Variants in LIMK2 observed in about 807,000 individuals in gnomAD.
LIMK2 encodes LIM domain kinase 2.
In LIMK2, 35 loss-of-function variants were observed where a neutral mutation model predicts 75.7. That is an observed-to-expected ratio of 0.46 (90% CI 0.35 to 0.61). The LOEUF is 0.61. Among genes scored for constraint, LIMK2 ranks in the 20% least tolerant of loss-of-function variants. The pLI, the probability that LIMK2 is intolerant of heterozygous loss-of-function variation, is 0.00. For synonymous variants in LIMK2, 301 were observed against 319.2 expected, an observed-to-expected ratio of 0.94 and a Z score of 0.61; for missense variants, 623 against 831.0, an observed-to-expected ratio of 0.75 and a Z score of 3.08.
intron 1 of LIMK2, among the ~76,000 whole-genome samples, chr22:31,222,107 C>T (rs2048439072): frequency 6.6e-6 from 1 of 151,788 alleles, no homozygotes; most frequent in South Asian, 2.1e-4. Context: ...GAGTTTCACT[C>T]TTGCCCAGGC....
chr22:31,257,788 A>G (rs1430347973), intron 2 of LIMK2, among the ~76,000 whole-genome samples: 1 of 152,062 alleles, frequency 6.6e-6, no homozygotes, highest in African/African-American at 2.4e-5. Context: ...TACTTAACGT[A>G]TTTTTGGCAA....
At chr22:31,233,376 C>A (rs2048544667) in intron 2 of LIMK2, among the ~76,000 whole-genome samples, 1 of 152,224 alleles carries the variant, frequency 6.6e-6, no homozygotes, top group South Asian at 2.1e-4. Context: ...GAAATGTTCT[C>A]TTCCCTTGGC....
chr22:31,262,883 G>GA lies in LIMK2; in HGVS notation c.854+94dup, dbSNP rs2123843273. ...TCAGAAGCCTGCAGAGTTAGGAAAG[G>GA]AACCAGCTGGCCAGGGACAGACTAT... On this transcript the variant is annotated intron_variant, in intron 7 of 15. Transcript: ENST00000331728. The surrounding 1 kb of genome is among the most constrained non-coding windows in gnomAD (Gnocchi z 5.0). 1 of 1,177,164 alleles carries GA rather than the reference G, an allele frequency of 8.5e-7. No homozygotes were observed. The highest frequency in any genetic ancestry group is 1.2e-6 in the Non-Finnish European group (1 of 852,242). 72.9% of individuals were successfully genotyped at this position (1,177,164 alleles called of 1,614,324 possible).
Position 31,218,150 on chromosome 22 carries a change from A to G in LIMK2, c.16+5726A>G, listed in dbSNP as rs576532764. On this transcript the variant is annotated intron_variant, in intron 1 of 15. Coordinates refer to ENST00000331728, the MANE Select transcript of LIMK2 (RefSeq NM_005569.4). Reference sequence around the variant, plus strand: ...CACCATGGGAGATATTTTCACATCTATTACATTATTTCTATTAATCCACTT... The same window carrying G: ...CACCATGGGAGATATTTTCACATCTGTTACATTATTTCTATTAATCCACTT... 3.9e-5 allele frequency among the ~76,000 whole-genome samples: 6 copies of G among 152,310 alleles called. No homozygotes were observed. In the East Asian group the frequency reaches 1.2e-3, roughly 29 times the overall value.
Position 31,218,836 on chromosome 22 carries a change from C to T in LIMK2, c.16+6412C>T, listed in dbSNP as rs5749236. On this transcript the variant is annotated intron_variant, in intron 1 of 15. Transcript: ENST00000331728. ...TGCACTGAATTGGCTGAGTTTTGTT[C>T]CTGGTTCTCGTTGTCTGGTGGAACG... 0.037 allele frequency among the ~76,000 whole-genome samples: 5,647 copies of T among 152,152 alleles called. 500 individuals are homozygous for T. In the East Asian group the frequency reaches 0.37, roughly 10 times the overall value.
At chr22:31,236,299 A>C (rs1296742422) in intron 2 of LIMK2, among the ~76,000 whole-genome samples, 1 of 150,916 alleles carries the variant, frequency 6.6e-6, no homozygotes, top group African/African-American at 2.4e-5. Flanking sequence ...AGTCTAAAAA[A>C]AAAAAAAAAA....
Position 31,212,337 on chromosome 22 carries a change from G to C in LIMK2, c.-72G>C. The C allele has an allele frequency of 7.7e-7, 1 of 1,306,080 alleles. No individual in the cohort carries two copies. The highest frequency in any genetic ancestry group is 9.8e-7 in the Non-Finnish European group (1 of 1,016,490). 80.9% of individuals were successfully genotyped at this position (1,306,080 alleles called of 1,614,324 possible). On this transcript the variant is annotated 5_prime_UTR_variant, in exon 1 of 16. Transcript: ENST00000331728. The stretch of plus-strand genomic sequence containing the variant: ...GAGGCGGCGGCGGCAGGAGCTGAGG[G>C]GAGTTGTAGGGAACTGAGGGGAGCT...
In LIMK2 at chr22:31,212,424, G is replaced by A. The variant is rs749303634; in HGVS notation, c.16G>A (p.Gly6Ser). The change falls in exon 1 of 16, where the codon GGT (glycine) becomes AGT (serine). Residue 6 changes from glycine to serine, a missense_variant and splice_region_variant. Gly to Ser is a moderately conservative substitution (Grantham distance 56, BLOSUM62 0). Transcript: ENST00000331728. MSALA[G>S]EDVWRCPGCG... ...TCCCGGGACCATGTCCGCGCTGGCG[G>A]GTAAGGAAGGGCTGCTCCGCCCTGT... The A allele has an allele frequency of 7.5e-7, 1 of 1,335,190 alleles. No homozygotes were observed. Among genetic ancestry groups the A allele is most frequent in the Non-Finnish European group, 9.7e-7 (1 of 1,032,900 alleles). The allele number at this position is 1,335,190 out of a possible 1,614,324, so 82.7% of individuals were successfully genotyped here.
chr22:31,261,946 G>C (rs1018413371), intron 5 of LIMK2, among the ~76,000 whole-genome samples, 188 bp from the exon 6 acceptor site: 2 of 152,208 alleles, frequency 1.3e-5, no homozygotes, highest in Non-Finnish European at 2.9e-5. Flanking sequence ...TAGGCCACAG[G>C]GTGAGTGGCA....
chr22:31,250,451 G>A (rs1164460160), intron 2 of LIMK2, among the ~76,000 whole-genome samples: 2 of 152,148 alleles, frequency 1.3e-5, no homozygotes, highest in East Asian at 1.9e-4. Context: ...TGCCACCCAA[G>A]TCCACCTGCC....
chr22:31,256,262 G>T (rs1871189906), intron 2 of LIMK2, among the ~76,000 whole-genome samples: 1 of 150,742 alleles, frequency 6.6e-6, no homozygotes, highest in Non-Finnish European at 1.5e-5. Context: ...CTCCCAAAGT[G>T]CTGGGATTAC....
chr22:31,242,999 C>T (rs747159868), intron 2 of LIMK2, among the ~76,000 whole-genome samples: 8 of 152,170 alleles, frequency 5.3e-5, no homozygotes, highest in African/African-American at 1.2e-4. Flanking sequence ...CTTGGCTCAC[C>T]GCAACCTCCG....
At chr22:31,267,996 G>C in intron 10 of LIMK2, 89 bp downstream of exon 10, 1 of 1,555,832 alleles carries the variant, frequency 6.4e-7, no homozygotes, top group Non-Finnish European at 8.8e-7. Context: ...AAGGGCAGAG[G>C]GGCCCTGCTT....
chr22:31,277,199 G>A (rs959899153), intron 15 of LIMK2: 2 of 1,608,874 alleles, frequency 1.2e-6, no homozygotes, highest in African/African-American at 1.3e-5. Flanking sequence ...CCCCGACCTC[G>A]TAGCAACAGC....
At chr22:31,236,331 G>A (rs1446202424) in intron 2 of LIMK2, among the ~76,000 whole-genome samples, 1 of 150,796 alleles carries the variant, frequency 6.6e-6, no homozygotes, top group African/African-American at 2.4e-5. Context: ...GATACAGGCT[G>A]GGTGCAGGGC....
At position 31,248,765 on chromosome 22, in the gene LIMK2, T is replaced by A. The variant is rs772331472; in HGVS notation, c.117-9526T>A. On this transcript the variant is annotated intron_variant, in intron 2 of 15. Coordinates refer to ENST00000331728, the MANE Select transcript of LIMK2 (RefSeq NM_005569.4). ...GGCTTACTTCACCTCCAGAGACCTGTTTCGGTGAGTTGGTCTCCGAGTTCC... is the reference window on the plus strand; with the variant it reads ...GGCTTACTTCACCTCCAGAGACCTGATTCGGTGAGTTGGTCTCCGAGTTCC... The A allele has an allele frequency of 6.2e-6, 10 of 1,614,052 alleles. No individual in the cohort carries two copies. In the African/African-American group the frequency reaches 1.3e-4, roughly 22 times the overall value.
At chr22:31,232,959 C>T (rs1049786566) in intron 2 of LIMK2, among the ~76,000 whole-genome samples, 1 of 152,170 alleles carries the variant, frequency 6.6e-6, no homozygotes, top group South Asian at 2.1e-4. Context: ...GCATTCCTAA[C>T]CATGGGCTCC....
At chr22:31,271,051 G>A (rs1352064753) in intron 11 of LIMK2, 85 bp from the exon 12 acceptor site, 1 of 1,262,886 alleles carries the variant, frequency 7.9e-7, no homozygotes, top group African/African-American at 1.5e-5. Context: ...TGGCCTGGTA[G>A]GAGAGCATCT....
At chr22:31,234,269 C>T (rs2048552556) in intron 2 of LIMK2, among the ~76,000 whole-genome samples, 1 of 150,684 alleles carries the variant, frequency 6.6e-6, no homozygotes. Flanking sequence ...GCCTCGGCCT[C>T]CCAAAGTGCT....
Sources: gnomAD v4.1 joint callset for allele counts (sites outside exome capture counted in the v4.1 genomes callset) on GRCh38, gnomAD v4.1.1 for gene constraint, Gnocchi (gnomAD v3.1) non-coding constraint, MANE v1.5 for transcripts, NCBI Gene and HGNC (gene_info 2026-07-23, HGNC 2026-07-21) for gene names.